Variants in CDYL2 observed in about 807,000 individuals in gnomAD.
The protein encoded by CDYL2 is chromodomain Y like 2.
In CDYL2, 23 loss-of-function variants were observed where a neutral mutation model predicts 49.4. The ratio of observed to expected loss-of-function variants is 0.47; its 90% CI spans 0.34 to 0.66. The LOEUF is 0.66. Ranked by LOEUF, CDYL2 falls within the 30% of genes least tolerant of loss-of-function variation. The probability of loss-of-function intolerance (pLI) is 0.01; values close to 1 mark genes in which losing one functional copy is unlikely to be tolerated. For synonymous variants in CDYL2, 360 were observed against 268.8 expected (o/e 1.34, Z -3.32); for missense variants, 678 against 656.4 (o/e 1.03, Z -0.36).
chr16:80,703,916 C>A (rs1214761885), intron 1 of CDYL2, among the ~76,000 whole-genome samples: 1 of 152,186 alleles, frequency 6.6e-6, no homozygotes, highest in Non-Finnish European at 1.5e-5. Context: ...TTCTCTTGCC[C>A]AGCTGCGCAG....
At chr16:80,665,277 C>T (rs574196652) in intron 2 of CDYL2, among the ~76,000 whole-genome samples, 3 of 152,026 alleles carry the variant, frequency 2.0e-5, no homozygotes, top group Admixed American at 6.5e-5. Flanking sequence ...CTCCTTGCTT[C>T]GGTGGTATCC....
intron 1 of CDYL2, among the ~76,000 whole-genome samples, chr16:80,783,366 C>T (rs757739764): frequency 2.6e-5 from 4 of 152,210 alleles, no homozygotes; most frequent in South Asian, 2.1e-4. Flanking sequence ...CAGAAAATAA[C>T]AAGTGTTGGC....
intron 1 of CDYL2, among the ~76,000 whole-genome samples, chr16:80,743,936 G>C (rs965123784): frequency 6.6e-6 from 1 of 152,014 alleles, no homozygotes; most frequent in African/African-American, 2.4e-5. Context: ...TGGTGGGACT[G>C]TACTATTCCT....
At chr16:80,642,879 G>C (rs1460900044) in intron 2 of CDYL2, among the ~76,000 whole-genome samples, 2 of 152,012 alleles carry the variant, frequency 1.3e-5, no homozygotes, top group Admixed American at 6.6e-5. Context: ...GATTTGAGTG[G>C]GGACACACAG....
At chr16:80,624,438 C>G (rs1385761461) in intron 3 of CDYL2, among the ~76,000 whole-genome samples, 2 of 152,106 alleles carry the variant, frequency 1.3e-5, no homozygotes, top group Non-Finnish European at 2.9e-5. Flanking sequence ...AAAATTAACA[C>G]AGAAATTGGA....
rs764454415 is a variant in CDYL2 at position 80,633,030 on chromosome 16, G to T, written c.823C>A (p.Leu275Met). The T allele has an allele frequency of 1.5e-5, 25 of 1,614,038 alleles. No individual in the cohort carries two copies. The highest frequency in any genetic ancestry group is 2.0e-5 in the Non-Finnish European group (24 of 1,179,900). Residue 275 changes from leucine (L) to methionine (M), a missense_variant, in exon 3 of 7, where the codon CTG becomes ATG. Around this residue, in one of 3 missense-constraint regions of CDYL2, gnomAD observed 478 missense variants for 427.0 expected, o/e 1.12. Transcript: ENST00000570137. ...CCGCCACCCCTTACCTCAGGTGTCAGGGCATTGTTATCCGAGGTCTGACTG... is the reference window on the plus strand; with the variant it reads ...CCGCCACCCCTTACCTCAGGTGTCATGGCATTGTTATCCGAGGTCTGACTG... ...LSSQTSDNNA[L>M]TPEIMKEVRR...
At chr16:80,785,022 GT>G (rs1234156103) in intron 1 of CDYL2, among the ~76,000 whole-genome samples, 1 of 152,184 alleles carries the variant, frequency 6.6e-6, no homozygotes, top group Admixed American at 6.5e-5. Flanking sequence ...AAAACGGGGA[GT>G]GGTGTTAGCC....
At chr16:80,681,822 G>A (rs549134255) in intron 2 of CDYL2, among the ~76,000 whole-genome samples, 1 of 152,326 alleles carries the variant, frequency 6.6e-6, no homozygotes, top group Non-Finnish European at 1.5e-5. Flanking sequence ...AAGTTTCAGA[G>A]GGAAGCTATA....
At chr16:80,688,902 CAAACAAACAA>C (rs1353184154) in intron 1 of CDYL2, among the ~76,000 whole-genome samples, 1 of 152,112 alleles carries the variant, frequency 6.6e-6, no homozygotes, top group Non-Finnish European at 1.5e-5. Flanking sequence ...ACACCAAAAA[CAAACAAACAA>C]AAACAAACAA....
chr16:80,686,496 T>G (rs148151999), intron 1 of CDYL2, among the ~76,000 whole-genome samples: 115 of 152,326 alleles, frequency 7.5e-4, no homozygotes, highest in African/African-American at 2.6e-3. Flanking sequence ...GAGTCAGGAA[T>G]AAGCCTCTGA....
chr16:80,738,307 A>G (rs750093156), intron 1 of CDYL2, among the ~76,000 whole-genome samples: 22 of 152,260 alleles, frequency 1.4e-4, no homozygotes, highest in Non-Finnish European at 2.6e-4. Context: ...TACTATTTTG[A>G]ATAGTGCTGC....
rs1379653598 is a variant in CDYL2 at position 80,600,793 on chromosome 16, A to AC, written c.*3594_*3595insG. The AC allele has an allele frequency of 2.0e-5, 3 of 151,924 alleles. No individual in the cohort carries two copies. The highest frequency in any genetic ancestry group is 2.9e-5 in the Non-Finnish European group (2 of 68,006). The allele number at this position is 151,924 out of a possible 1,614,324, so 9.4% of individuals were successfully genotyped here. On this transcript the variant is annotated 3_prime_UTR_variant, in exon 7 of 7. Coordinates refer to ENST00000570137, the MANE Select transcript of CDYL2 (RefSeq NM_152342.4). ...GTGACTAAATTCCAAATAAAAAAAA[A>AC]GTTTACAAAATTTTTAAAACCAAAA...
In CDYL2 at chr16:80,682,234, T is replaced by C. The variant is rs548075012; in HGVS notation, c.616+2304A>G. Among the ~76,000 whole-genome samples the C allele has an allele frequency of 7.2e-5, 11 of 152,058 alleles. 1 individual carries two copies. The highest frequency in any genetic ancestry group is 2.4e-4 in the African/African-American group (10 of 41,462). The stretch of plus-strand genomic sequence containing the variant: ...TTGAAACAGACAAAACAGAACAAAA[T>C]AGAGGCCAGCATTGGCTCAAGTGGG... On this transcript the variant is annotated intron_variant, in intron 2 of 6. Coordinates refer to ENST00000570137, the MANE Select transcript of CDYL2 (RefSeq NM_152342.4).
At chr16:80,728,490 T>C (rs8062215) in intron 1 of CDYL2, among the ~76,000 whole-genome samples, 121,443 of 152,018 alleles carry the variant, frequency 0.8, 50,571 homozygotes, top group Non-Finnish European at 0.93. Context: ...CTGAAAGTGA[T>C]GGGGAGAATG....
Position 80,604,463 on chromosome 16 carries a change from G to A in CDYL2, c.1446C>T (p.Leu482=), listed in dbSNP as rs201036137. ...EDVNEKECLM[L]KQLWSSSKGL... Reference sequence around the variant, plus strand: ...CTTTGGAGGAGCTCCAGAGCTGCTTGAGCATGAGGCATTCCTTCTCGTTCA... The same window carrying A: ...CTTTGGAGGAGCTCCAGAGCTGCTTAAGCATGAGGCATTCCTTCTCGTTCA... The change falls in exon 7 of 7, where the codon CTC becomes CTT. Residue 482 remains leucine, a synonymous_variant. Coordinates refer to ENST00000570137, the MANE Select transcript of CDYL2 (RefSeq NM_152342.4). 1 of 1,614,190 alleles carries A rather than the reference G, an allele frequency of 6.2e-7. No homozygotes were observed. Among genetic ancestry groups the A allele is most frequent in the Non-Finnish European group, 8.5e-7 (1 of 1,180,018 alleles).
intron 2 of CDYL2, among the ~76,000 whole-genome samples, chr16:80,650,416 T>A (rs1908534240): frequency 6.6e-6 from 1 of 152,090 alleles, no homozygotes. Context: ...CAATGAGATA[T>A]CATCTCACCG....
intron 1 of CDYL2, among the ~76,000 whole-genome samples, chr16:80,722,056 T>C (rs970062695): frequency 6.6e-6 from 1 of 152,214 alleles, no homozygotes; most frequent in Admixed American, 6.5e-5. Context: ...AAAAGGGCTC[T>C]ATAAACAAAT....
intron 2 of CDYL2, among the ~76,000 whole-genome samples, chr16:80,644,611 G>A (rs182733974): frequency 9.2e-5 from 14 of 152,332 alleles, no homozygotes; most frequent in Non-Finnish European, 1.6e-4. Context: ...GCAGTGGCAA[G>A]AGAAAATGAG....
chr16:80,613,892 C>T (rs1274012231), intron 4 of CDYL2, among the ~76,000 whole-genome samples: 3 of 152,200 alleles, frequency 2.0e-5, no homozygotes, highest in Non-Finnish European at 2.9e-5. Flanking sequence ...CCTTGACCTG[C>T]CTCAGCTTAC....
Sources: gnomAD v4.1 joint callset for allele counts (sites outside exome capture counted in the v4.1 genomes callset) on GRCh38, gnomAD v4.1.1 for gene constraint, gnomAD v4.1.1 regional missense constraint, MANE v1.5 for transcripts, NCBI Gene and HGNC (gene_info 2026-07-23, HGNC 2026-07-21) for gene names.